The following MCM5 variants were observed in gnomAD, a reference collection of about 807,000 sequenced individuals.
MCM5 encodes the protein DNA replication licensing factor MCM5.
Under a neutral mutation model 79.9 loss-of-function variants are expected in MCM5, and 46 were observed. The ratio of observed to expected loss-of-function variants is 0.58; its 90% CI spans 0.45 to 0.74. The LOEUF (loss-of-function observed/expected upper bound fraction) is 0.74, where lower values mean the gene tolerates loss of function less well. Among genes scored for constraint, MCM5 ranks in the 30% least tolerant of loss-of-function variants. The pLI, the probability that MCM5 is intolerant of heterozygous loss-of-function variation, is 0.00. For missense variants in MCM5, 883 were observed against 1,017.0 expected, an observed-to-expected ratio of 0.87 and a Z score of 1.79; for synonymous variants, 404 against 390.5, an observed-to-expected ratio of 1.03 and a Z score of -0.41.
intron 16 of MCM5, 77 bp from the exon 17 acceptor site, chr22:35,424,077 T>G: frequency 1.1e-6 from 1 of 938,698 alleles, no homozygotes; most frequent in Non-Finnish European, 1.6e-6. Flanking sequence ...AAGTTCCCCG[T>G]GAGCCTGGGG....
chr22:35,401,576 T>C (rs751636833), intron 2 of MCM5: 11 of 470,450 alleles, frequency 2.3e-5, no homozygotes, highest in Admixed American at 4.7e-5. Context: ...TGGCCCATTA[T>C]TAGCTGAGTG....
At chr22:35,402,733 T>G (rs1437577039) in intron 2 of MCM5, among the ~76,000 whole-genome samples, 1 of 152,132 alleles carries the variant, frequency 6.6e-6, no homozygotes, top group Non-Finnish European at 1.5e-5. Context: ...TAGTAGAGAC[T>G]GGGTGTTGCC....
At chr22:35,442,542 C>T in the MCM5 span, among the ~76,000 whole-genome samples, 4 of 152,258 alleles carry the variant, frequency 2.6e-5, no homozygotes, top group Non-Finnish European at 4.4e-5. Context: ...TCAGTTTCCT[C>T]GCCTTTGCCA....
the MCM5 span, among the ~76,000 whole-genome samples, chr22:35,453,819 T>TAGAGAGAGAGAG: frequency 9.1e-4 from 74 of 81,548 alleles, 1 homozygote; most frequent in East Asian, 2.7e-3. Flanking sequence ...TATATATATA[T>TAGAGAGAGAGAG]AGAGAGAGAG....
intron 15 of MCM5, chr22:35,422,476 GGGGT>G (rs1226427459): frequency 6.6e-6 from 1 of 152,360 alleles, no homozygotes; most frequent in Non-Finnish European, 1.5e-5. Flanking sequence ...GGTGAGGAAT[GGGGT>G]GGGTGGGGCC....
At chr22:35,416,180 C>T (rs1006047824) in intron 10 of MCM5, among the ~76,000 whole-genome samples, 159 bp from the exon 11 acceptor site, 25 of 152,214 alleles carry the variant, frequency 1.6e-4, no homozygotes, top group African/African-American at 5.5e-4. Flanking sequence ...GGCAAGCCCA[C>T]ACAGTTGTTC....
the MCM5 span, among the ~76,000 whole-genome samples, chr22:35,453,459 C>G: frequency 7.0e-6 from 1 of 143,068 alleles, no homozygotes; most frequent in Admixed American, 6.9e-5. Flanking sequence ...GAGATAGAAA[C>G]AGAGACAGAG....
chr22:35,402,870 T>A (rs1352263381), intron 2 of MCM5, among the ~76,000 whole-genome samples: 5 of 152,206 alleles, frequency 3.3e-5, no homozygotes, highest in Admixed American at 6.5e-5. Flanking sequence ...TGCATTGTTC[T>A]TTTCCAAGAG....
rs1032897055 is a variant in MCM5 at position 35,424,176 on chromosome 22, A to G, written c.2126A>G (p.His709Arg). 67 of 1,551,888 alleles carry G rather than the reference A, an allele frequency of 4.3e-5. No individual in the cohort carries two copies. Among genetic ancestry groups the G allele is most frequent in the Non-Finnish European group, 5.2e-5 (60 of 1,147,334 alleles). The part of the protein sequence containing the change: ...TKQKYPEHAI[H>R]KVLQLMLRRG... ...CAGAAATACCCGGAGCACGCCATCC[A>G]CAAGGTGCTGCAGCTCATGCTGCGG... The change falls in exon 17 of 17, where the codon CAC (histidine) becomes CGC (arginine). Residue 709 changes from histidine to arginine, a missense_variant. This residue lies in a region of MCM5 where 426 missense variants were observed against 482.3 expected (regional missense o/e 0.88). Coordinates refer to ENST00000216122, the MANE Select transcript of MCM5 (RefSeq NM_006739.4).
downstream of MCM5, among the ~76,000 whole-genome samples, chr22:35,426,216 C>G (rs1932778534): frequency 6.6e-6 from 1 of 152,178 alleles, no homozygotes; most frequent in South Asian, 2.1e-4. Context: ...TCAGAGCATG[C>G]CAGTCTCCTT....
At chr22:35,409,230 GT>G (rs1932305697) in intron 6 of MCM5, among the ~76,000 whole-genome samples, 1 of 152,024 alleles carries the variant, frequency 6.6e-6, no homozygotes, top group African/African-American at 2.4e-5. Context: ...CCCAGAGTGC[GT>G]GGATTACAGG....
intron 9 of MCM5, 117 bp downstream of exon 9, chr22:35,414,103 C>G: frequency 1.5e-6 from 1 of 662,436 alleles, no homozygotes; most frequent in South Asian, 1.7e-5. Context: ...TCTCTTCCTC[C>G]TTTCTCTTGG....
downstream of MCM5, among the ~76,000 whole-genome samples, chr22:35,426,122 A>G (rs1268052105): frequency 2.0e-5 from 3 of 152,092 alleles, no homozygotes; most frequent in Admixed American, 6.5e-5. Flanking sequence ...CCTGACTGGC[A>G]GGCACAGGAC....
At chr22:35,447,995 A>G in the MCM5 span, among the ~76,000 whole-genome samples, 15 of 152,206 alleles carry the variant, frequency 9.9e-5, no homozygotes, top group Admixed American at 4.6e-4. Flanking sequence ...AGCAGGTTTG[A>G]TAAAACTACA....
chr22:35,425,208 G>A lies in MCM5; in HGVS notation c.*953G>A, dbSNP rs139689375. ...AAGTCACTCTGAGTTGGTATGTTTT[G>A]TGTTTTTAAAAAAGCTAGGATTCAT... On this transcript the variant is annotated 3_prime_UTR_variant, in exon 17 of 17. Coordinates refer to ENST00000216122, the MANE Select transcript of MCM5 (RefSeq NM_006739.4). 6.6e-6 allele frequency: 1 copy of A among 152,170 alleles called. No homozygotes were observed. The highest frequency in any genetic ancestry group is 1.5e-5 in the Non-Finnish European group (1 of 67,982). The allele number at this position is 152,170 out of a possible 1,614,324, so 9.4% of individuals were successfully genotyped here. A position where few individuals can be genotyped will look rare whatever the true frequency, so the allele number is the denominator to read the frequency against.
the MCM5 span, among the ~76,000 whole-genome samples, chr22:35,441,143 G>A: frequency 6.6e-6 from 1 of 152,226 alleles, no homozygotes; most frequent in Non-Finnish European, 1.5e-5. Flanking sequence ...AGGAATGTGC[G>A]GGGAAAGGGG....
chr22:35,416,612 C>A (rs1266727148), intron 11 of MCM5, 26 bp from the exon 12 acceptor site: 7 of 1,602,106 alleles, frequency 4.4e-6, no homozygotes, highest in Middle Eastern at 1.7e-4. Flanking sequence ...ATCTCCTCCC[C>A]CTTTTCGTCG....
chr22:35,409,888 T>C (rs887604436), intron 6 of MCM5: 2 of 152,208 alleles, frequency 1.3e-5, no homozygotes, highest in Non-Finnish European at 1.5e-5. Context: ...TGCTTGAAAA[T>C]GCATGTGGTG....
the MCM5 span, among the ~76,000 whole-genome samples, chr22:35,447,275 C>T: frequency 1.1e-4 from 16 of 152,200 alleles, no homozygotes; most frequent in East Asian, 3.9e-4. Context: ...CCTTCCCCGA[C>T]GGGTTTGGGG....
Sources: gnomAD v4.1 joint callset for allele counts (sites outside exome capture counted in the v4.1 genomes callset) on GRCh38, gnomAD v4.1.1 for gene constraint, gnomAD v4.1.1 regional missense constraint, MANE v1.5 for transcripts, NCBI Gene and HGNC (gene_info 2026-07-23, HGNC 2026-07-21) for gene names.